Variants in ASB4 observed in about 807,000 individuals in gnomAD.
The protein encoded by ASB4 is ankyrin repeat and SOCS box containing 4, also known as ankyrin repeat and SOCS box protein 4.
Under a neutral mutation model 38.6 loss-of-function variants are expected in ASB4, and 35 were observed. The ratio of observed to expected loss-of-function variants is 0.91; its 90% CI spans 0.69 to 1.20. The LOEUF (loss-of-function observed/expected upper bound fraction) is 1.20. Ranked by LOEUF, ASB4 falls within the 50% of genes most tolerant of loss-of-function variation. The probability of loss-of-function intolerance (pLI) is 0.00; values close to 1 mark genes in which losing one functional copy is unlikely to be tolerated. For missense variants in ASB4, 557 were observed against 527.2 expected, an observed-to-expected ratio of 1.06 and a Z score of -0.55; for synonymous variants, 195 against 201.3, an observed-to-expected ratio of 0.97 and a Z score of 0.26.
At chr7:95,470,888 G>A in the ASB4 span, among the ~76,000 whole-genome samples, 1,903 of 152,244 alleles carry the variant, frequency 0.012, 40 homozygotes, top group African/African-American at 0.043. Flanking sequence ...CCAAAGAAGA[G>A]AAAGAAATTA....
upstream of ASB4, among the ~76,000 whole-genome samples, chr7:95,476,768 G>A (rs1285106205): frequency 3.3e-5 from 5 of 152,314 alleles, no homozygotes; most frequent in East Asian, 7.7e-4. Context: ...CAAAGACAGA[G>A]ACTCATAAGA....
intron 1 of ASB4, among the ~76,000 whole-genome samples, chr7:95,493,392 A>G (rs78826879): frequency 0.11 from 4,077 of 38,250 alleles, 125 homozygotes; most frequent in Admixed American, 0.19. Flanking sequence ...GTGTGTGTGT[A>G]TGTGTGTGTG....
At chr7:95,527,319 A>G (rs1355134977) in intron 2 of ASB4, among the ~76,000 whole-genome samples, 1 of 152,228 alleles carries the variant, frequency 6.6e-6, no homozygotes, top group Non-Finnish European at 1.5e-5. Context: ...CCATACCACT[A>G]AAGTTTACTT....
At chr7:95,476,558 G>C (rs938253425), upstream of ASB4, among the ~76,000 whole-genome samples, 14 of 152,204 alleles carry the variant, frequency 9.2e-5, no homozygotes, top group African/African-American at 3.4e-4. Context: ...CCAGGGCTGG[G>C]AAACGGGAAC....
At chr7:95,528,355 T>C (rs1019082344) in intron 3 of ASB4, 52 bp downstream of exon 3, 3 of 1,609,312 alleles carry the variant, frequency 1.9e-6, no homozygotes, top group Non-Finnish European at 2.5e-6. Flanking sequence ...AATGGCAGCC[T>C]TGTCTGAAAT....
chr7:95,548,243 A>G, the ASB4 span, among the ~76,000 whole-genome samples: 2 of 152,204 alleles, frequency 1.3e-5, no homozygotes, highest in African/African-American at 4.8e-5. Context: ...AAGTCTTTTT[A>G]ATTTTAGCCA....
At chr7:95,502,093 T>G (rs1411739094) in intron 2 of ASB4, among the ~76,000 whole-genome samples, 1 of 133,712 alleles carries the variant, frequency 7.5e-6, no homozygotes, top group African/African-American at 2.7e-5. Flanking sequence ...ATTAAAGTAA[T>G]GAGGCTAACA....
chr7:95,478,853 T>G (rs1790000078), intron 1 of ASB4, among the ~76,000 whole-genome samples: 1 of 152,176 alleles, frequency 6.6e-6, no homozygotes. Flanking sequence ...ACACACATGC[T>G]CCCAGTATGT....
intron 2 of ASB4, among the ~76,000 whole-genome samples, chr7:95,505,408 T>C (rs1437817896): frequency 6.6e-6 from 1 of 151,956 alleles, no homozygotes; most frequent in Non-Finnish European, 1.5e-5. Context: ...GCAAAAGAGG[T>C]GGAAGAAATA....
At chr7:95,504,017 G>A (rs1329651561) in intron 2 of ASB4, among the ~76,000 whole-genome samples, 2 of 152,044 alleles carry the variant, frequency 1.3e-5, no homozygotes, top group South Asian at 2.1e-4. Flanking sequence ...GTAAAATAAT[G>A]TTCATCAGTT....
At chr7:95,485,016 ATG>A (rs1585792168), upstream of ASB4, among the ~76,000 whole-genome samples, 1 of 148,270 alleles carries the variant, frequency 6.7e-6, no homozygotes, top group African/African-American at 2.5e-5. Context: ...GTGTGTATAT[ATG>A]TGTATATATG....
chr7:95,475,897 G>T (rs1014528020), upstream of ASB4, among the ~76,000 whole-genome samples: 17 of 152,124 alleles, frequency 1.1e-4, no homozygotes, highest in South Asian at 2.1e-4. Flanking sequence ...GATTTATGGG[G>T]TGCCTTCCTA....
chr7:95,475,088 A>G (rs897119677), upstream of ASB4, among the ~76,000 whole-genome samples: 4 of 152,192 alleles, frequency 2.6e-5, no homozygotes, highest in African/African-American at 7.2e-5. Flanking sequence ...CAACACTGGC[A>G]TTTAACAAGA....
At chr7:95,504,951 A>G (rs1311806054) in intron 2 of ASB4, among the ~76,000 whole-genome samples, 8 of 152,196 alleles carry the variant, frequency 5.3e-5, no homozygotes, top group Non-Finnish European at 8.8e-5. Context: ...GTTCCACGAA[A>G]AATCATACCA....
chr7:95,550,346 C>T, the ASB4 span, among the ~76,000 whole-genome samples: 3 of 152,158 alleles, frequency 2.0e-5, no homozygotes, highest in Admixed American at 1.3e-4. Context: ...TTTATACACT[C>T]AGCAGGGAAC....
At chr7:95,516,177 G>A (rs1210035866) in intron 2 of ASB4, among the ~76,000 whole-genome samples, 1 of 152,166 alleles carries the variant, frequency 6.6e-6, no homozygotes, top group Non-Finnish European at 1.5e-5. Flanking sequence ...AATGATAATA[G>A]CAGCATTAAT....
At chr7:95,522,868 T>C (rs1790682927) in intron 2 of ASB4, among the ~76,000 whole-genome samples, 1 of 152,232 alleles carries the variant, frequency 6.6e-6, no homozygotes, top group Non-Finnish European at 1.5e-5. Context: ...TCTCATTTAC[T>C]ATAATTCTAG....
chr7:95,485,882 C>A, upstream of ASB4: 1 of 1,144,822 alleles, frequency 8.7e-7, no homozygotes, highest in Non-Finnish European at 1.2e-6. Flanking sequence ...TAAAATTAGC[C>A]GACAGTTTGT....
chr7:95,486,049 G>A lies in ASB4; in HGVS notation c.78G>A (p.Lys26=). The A allele has an allele frequency of 6.2e-7, 1 of 1,614,126 alleles. No individual in the cohort carries two copies. The highest frequency in any genetic ancestry group is 8.5e-7 in the Non-Finnish European group (1 of 1,180,000). Residue 26 remains lysine (K), a synonymous_variant, in exon 1 of 5, where the codon AAG becomes AAA. Transcript: ENST00000325885. ...LVKRNFLEAL[K]SNDFGKLKAI... ...AGAGAAATTTCCTTGAGGCGCTAAA[G>A]TCCAATGACTTCGGAAAATTGAAGG...
Sources: allele counts gnomAD v4.1 joint callset (sites outside exome capture counted in the v4.1 genomes callset), GRCh38; gene constraint gnomAD v4.1.1; transcripts MANE v1.5; gene names NCBI Gene and HGNC (gene_info 2026-07-23, HGNC 2026-07-21).